KIFC2: variants seen among roughly 807,000 people sequenced by gnomAD.
KIFC2 encodes kinesin-like protein KIFC2.
A neutral mutation model predicts 91.5 loss-of-function variants in KIFC2; 94 were observed. That is an observed-to-expected ratio of 1.03 (90% confidence interval 0.87 to 1.22). The LOEUF (loss-of-function observed/expected upper bound fraction) is 1.22. Ranked by LOEUF, KIFC2 falls within the 50% of genes most tolerant of loss-of-function variation. The probability of loss-of-function intolerance (pLI) is 0.00; values close to 1 mark genes in which losing one functional copy is unlikely to be tolerated. For missense variants in KIFC2, 1,357 were observed against 1,103.3 expected (o/e 1.23, Z -3.26); for synonymous variants, 729 against 503.9 (o/e 1.45, Z -5.98).
intron 10 of KIFC2, 30 bp from the exon 11 acceptor site, chr8:144,469,241 C>T (rs1294781564): frequency 2.6e-6 from 4 of 1,548,772 alleles, no homozygotes; most frequent in Admixed American, 2.0e-5. Context: ...TGGCTGACCC[C>T]TTGCCTTCTG....
At chr8:144,470,037 G>C (rs1824866690) in intron 12 of KIFC2, among the ~76,000 whole-genome samples, 1 of 152,246 alleles carries the variant, frequency 6.6e-6, no homozygotes, top group South Asian at 2.1e-4. Flanking sequence ...TTTCCTGCCA[G>C]ACACCTGTGG....
Position 144,472,784 on chromosome 8 carries a change from C to T in KIFC2, c.1862-11C>T, listed in dbSNP as rs553720567. The T allele has an allele frequency of 2.5e-6, 4 of 1,591,438 alleles. No homozygotes were observed. The highest frequency in any genetic ancestry group is 2.2e-5 in the South Asian group (2 of 90,444). ...GGCCTTCCCCCATGTCGGGCTCGCT[C>T]GCCCCTCTAGGCACGCTGCACCTGG... On this transcript the variant is annotated splice_polypyrimidine_tract_variant and intron_variant, in intron 16 of 17. Coordinates refer to ENST00000645548, the MANE Select transcript of KIFC2 (RefSeq NM_001369769.2).
intron 12 of KIFC2, among the ~76,000 whole-genome samples, chr8:144,471,665 A>G (rs902569848): frequency 1.3e-5 from 2 of 152,146 alleles, no homozygotes; most frequent in Admixed American, 6.5e-5. Context: ...CAGGTCTCCT[A>G]CGTGGTCTTC....
rs1157014670 is a variant in KIFC2, at chr8:144,472,248, T to G, written c.1596T>G (p.Asn532Lys). 1 of 1,613,236 alleles carries G rather than the reference T, an allele frequency of 6.2e-7. No individual in the cohort carries two copies. The highest frequency in any genetic ancestry group is 1.1e-5 in the South Asian group (1 of 91,078). ...CACTCAGCATGGTGGAGATCTACAA[T>G]GAGGCTGTCAGGTGGGCTACTCCAC... ...RVTLSMVEIY[N>K]EAVRDLLAPG... The change falls in exon 14 of 18, where the codon AAT becomes AAG. Residue 532 changes from asparagine (N) to lysine (K), a missense_variant. By Grantham distance (94) the Asn-to-Lys change is moderately conservative. Coordinates refer to ENST00000645548, the MANE Select transcript of KIFC2 (RefSeq NM_001369769.2).
In KIFC2 at chr8:144,466,521, G is replaced by T; in HGVS notation, c.99+3G>T. ...CGGAGCCCGGGGACCCCGCCCAGGT[G>T]AGCGGGGCTGGCCGTGCAGCCCGTC... is the stretch of plus-strand genomic sequence containing the variant. On this transcript the variant is annotated splice_donor_region_variant and intron_variant, in intron 1 of 17. Transcript: ENST00000645548. 7.9e-7 allele frequency: 1 copy of T among 1,263,464 alleles called. No individual in the cohort carries two copies. 78.3% of individuals were successfully genotyped at this position (1,263,464 alleles called of 1,614,324 possible).
In KIFC2 at chr8:144,472,707, G is replaced by A; in HGVS notation, c.1861+1G>A. ...CCACCGCGCGCTCCAGGCACCGCAG[G>A]TACCACGGCCGGTGCCTGAGCCCTG... On this transcript the variant is annotated splice_donor_variant, in intron 16 of 17. Transcript: ENST00000645548. LOFTEE classifies it high-confidence loss of function. The A allele has an allele frequency of 6.3e-7, 1 of 1,593,926 alleles. No homozygotes were observed. Among genetic ancestry groups the A allele is most frequent in the Non-Finnish European group, 8.5e-7 (1 of 1,177,602 alleles).
intron 4 of KIFC2, 27 bp downstream of exon 4, chr8:144,467,368 A>C: frequency 6.4e-7 from 1 of 1,566,738 alleles, no homozygotes; most frequent in Non-Finnish European, 8.6e-7. Flanking sequence ...AAGTTGAAGA[A>C]GAACTCTGGA....
intron 12 of KIFC2, among the ~76,000 whole-genome samples, chr8:144,471,594 C>T (rs1484972538): frequency 6.6e-6 from 1 of 152,090 alleles, no homozygotes; most frequent in Non-Finnish European, 1.5e-5. Context: ...ATTTATTTTT[C>T]TTTTTTTCAC....
Position 144,469,514 on chromosome 8 carries a change from TGAGGCCAGGGA to T in KIFC2, c.1248_1258del (p.Arg417IlefsTer3). ...GGAAATATCCGTGTGCTGTGTCGGC[TGAGGCCAGGGA>T]CATCTTCTAGCCTTGTGAGTGTGGA... On this transcript the variant is annotated frameshift_variant, in exon 12 of 18. Transcript: ENST00000645548. LOFTEE classifies it high-confidence loss of function. 1 of 1,614,036 alleles carries T rather than the reference TGAGGCCAGGGA, an allele frequency of 6.2e-7. No homozygotes were observed. The highest frequency in any genetic ancestry group is 8.5e-7 in the Non-Finnish European group (1 of 1,180,018).
Position 144,473,281 on chromosome 8 carries a change from C to T in KIFC2, c.2268C>T (p.Leu756=), listed in dbSNP as rs1055790088. 4 of 1,606,140 alleles carry T rather than the reference C, an allele frequency of 2.5e-6. No homozygotes were observed. The highest frequency in any genetic ancestry group is 1.3e-5 in the African/African-American group (1 of 74,714). Residue 756 remains leucine, a synonymous_variant, in exon 18 of 18, where the codon CTC becomes CTT. Coordinates refer to ENST00000645548, the MANE Select transcript of KIFC2 (RefSeq NM_001369769.2). ...TPSSLSTDTP[L]TGTPCTPTPS... is the part of the protein sequence containing the mutation. ...CTTCCCTCAGCACCGACACTCCGCTCACCGGGACCCCCTGCACCCCTACGC... is the reference window on the plus strand; with the variant it reads ...CTTCCCTCAGCACCGACACTCCGCTTACCGGGACCCCCTGCACCCCTACGC...
chr8:144,472,557 C>A lies in KIFC2; in HGVS notation c.1732-20C>A, dbSNP rs1174894998. The A allele has an allele frequency of 2.5e-6, 4 of 1,611,924 alleles. No individual in the cohort carries two copies. On this transcript the variant is annotated intron_variant, in intron 15 of 17. Transcript: ENST00000645548. The stretch of plus-strand genomic sequence containing the variant: ...GGGCGGGGACCCTGCACCTGACCAG[C>A]CCTTCGCCCCGCCTTCCAGATGCTG...
Position 144,472,164 on chromosome 8 carries a change from TC to T in KIFC2, c.1514del (p.Pro505LeufsTer19), listed in dbSNP as rs750386510. 6.2e-7 allele frequency: 1 copy of T among 1,613,122 alleles called. No homozygotes were observed. The highest frequency in any genetic ancestry group is 1.1e-5 in the South Asian group (1 of 91,078). On this transcript the variant is annotated frameshift_variant, in exon 14 of 18. Coordinates refer to ENST00000645548, the MANE Select transcript of KIFC2 (RefSeq NM_001369769.2). LOFTEE classifies it high-confidence loss of function. ...EGPPEDPGIVPRALQSLFREM... is the reference protein window; with the variant it reads ...EGPPEDPGIVXRALQSLFREM... ...GCCCTCCTGAGGACCCCGGCATAGTTCCTAGGGCGCTGCAGTCGCTGTTCCG... is the reference window on the plus strand; with the variant it reads ...GCCCTCCTGAGGACCCCGGCATAGTTCTAGGGCGCTGCAGTCGCTGTTCCG...
In KIFC2 at chr8:144,466,429, T is replaced by C; in HGVS notation, c.10T>C (p.Phe4Leu). 2 of 1,338,428 alleles carry C rather than the reference T, an allele frequency of 1.5e-6. No homozygotes were observed. Among genetic ancestry groups the C allele is most frequent in the South Asian group, 1.7e-5 (1 of 60,106 alleles). The allele number at this position is 1,338,428 out of a possible 1,614,324, so 82.9% of individuals were successfully genotyped here. MYA[F>L]YSLLIYIFYS... Reference sequence around the variant, plus strand: ...GCCGCCCCGCGCTCCCATGTACGCCTTTTACTCGTTGCTCATCTACATCTT... The same window carrying C: ...GCCGCCCCGCGCTCCCATGTACGCCCTTTACTCGTTGCTCATCTACATCTT... Residue 4 changes from phenylalanine (F) to leucine (L), a missense_variant, in exon 1 of 18, where the codon TTT becomes CTT. Coordinates refer to ENST00000645548, the MANE Select transcript of KIFC2 (RefSeq NM_001369769.2).
chr8:144,470,379 C>G (rs763379362), intron 12 of KIFC2, among the ~76,000 whole-genome samples: 2 of 152,238 alleles, frequency 1.3e-5, no homozygotes, highest in African/African-American at 4.8e-5. Flanking sequence ...TCTGGACAGC[C>G]GTCCTGGACA....
chr8:144,466,645 G>T (rs1191087312), intron 1 of KIFC2, 115 bp from the exon 2 acceptor site: 3 of 1,011,318 alleles, frequency 3.0e-6, no homozygotes, highest in African/African-American at 3.5e-5. Flanking sequence ...CCTCGGCTCG[G>T]CCCCGATGCT....
chr8:144,472,860 CCGCG>C lies in KIFC2; in HGVS notation c.1928_1931del (p.Pro643ArgfsTer16). On this transcript the variant is annotated frameshift_variant, in exon 17 of 18. Transcript: ENST00000645548. LOFTEE classifies it high-confidence loss of function. ...ACGGAAGGCAGGGGCGGCCGGCCCG[CCGCG>C]GGGAGACCCAGACGGCGCCCGGCGC... 6.5e-7 allele frequency: 1 copy of C among 1,543,904 alleles called. No individual in the cohort carries two copies. Among genetic ancestry groups the C allele is most frequent in the Non-Finnish European group, 8.6e-7 (1 of 1,158,224 alleles).
At position 144,467,577 on chromosome 8, in the gene KIFC2, T is replaced by A. The variant is rs1210758248; in HGVS notation, c.562T>A (p.Leu188Met). The A allele has an allele frequency of 6.2e-7, 1 of 1,604,664 alleles. No individual in the cohort carries two copies. The highest frequency in any genetic ancestry group is 8.5e-7 in the Non-Finnish European group (1 of 1,175,342). ...DETQGQQPLQ[L>M]EEDQRAWQRL... ...GACCCAGGGACAGCAGCCCCTCCAG[T>A]TGGAGGAGGATCAGAGGGCGTGGCA... The change falls in exon 5 of 18, where the codon TTG becomes ATG. Residue 188 changes from leucine (L) to methionine (M), a missense_variant. Physicochemically the swap from Leu to Met is conservative, Grantham distance 15. Transcript: ENST00000645548.
In KIFC2 at chr8:144,472,466, C is replaced by T. The variant is rs778140843; in HGVS notation, c.1713C>T (p.Asn571=). 8 of 1,612,058 alleles carry T rather than the reference C, an allele frequency of 5.0e-6. No homozygotes were observed. The highest frequency in any genetic ancestry group is 1.7e-4 in the Middle Eastern group (1 of 6,054). Residue 571 remains asparagine (N), a synonymous_variant, in exon 15 of 18, where the codon AAC becomes AAT. Transcript: ENST00000645548. ...GCCTCACCCACTGGGACGTGCCCAA[C>T]CTGGAGACATTGCACCAGGTAGGGC... is the stretch of plus-strand genomic sequence containing the variant. ...VAGLTHWDVP[N]LETLHQMLKL...
At position 144,473,219 on chromosome 8, in the gene KIFC2, C is replaced by T. The variant is rs764057469; in HGVS notation, c.2206C>T (p.Arg736Trp). Residue 736 changes from arginine (R) to tryptophan (W), a missense_variant, in exon 18 of 18, where the codon CGG becomes TGG. Arg to Trp is a moderately radical substitution (Grantham distance 101). Coordinates refer to ENST00000645548, the MANE Select transcript of KIFC2 (RefSeq NM_001369769.2). ...GGGTCAAGTGGAGCTGGGGCCAGCCCGGCGCCGCAGGGTCCCGCGCTCCTC... is the reference window on the plus strand; with the variant it reads ...GGGTCAAGTGGAGCTGGGGCCAGCCTGGCGCCGCAGGGTCCCGCGCTCCTC... ...RVGQVELGPA[R>W]RRRVPRSSGT... 5.0e-6 allele frequency: 8 copies of T among 1,593,114 alleles called. No homozygotes were observed. The highest frequency in any genetic ancestry group is 6.8e-6 in the Non-Finnish European group (8 of 1,171,046).
Sources: allele counts gnomAD v4.1 joint callset (sites outside exome capture counted in the v4.1 genomes callset), GRCh38; gene constraint gnomAD v4.1.1; transcripts MANE v1.5; gene names NCBI Gene and HGNC (gene_info 2026-07-23, HGNC 2026-07-21).